Variants in ENDOD1 observed in about 807,000 individuals in gnomAD.
ENDOD1 encodes endonuclease domain-containing 1 protein.
A neutral mutation model predicts 6.5 loss-of-function variants in ENDOD1; 9 were observed. The ratio of observed to expected loss-of-function variants is 1.39; its 90% CI spans 0.84 to 2.43. The LOEUF (loss-of-function observed/expected upper bound fraction) is 2.43. Among genes scored for constraint, ENDOD1 ranks in the 30% most tolerant of loss-of-function variants. The probability of loss-of-function intolerance (pLI) is 0.00; values close to 1 mark genes in which losing one functional copy is unlikely to be tolerated. For synonymous variants in ENDOD1, 255 were observed against 255.2 expected (o/e 1.00, Z 0.01); for missense variants, 648 against 635.5 (o/e 1.02, Z -0.21).
chr11:95,124,483 A>G (rs1377915413), intron 1 of ENDOD1, among the ~76,000 whole-genome samples: 2 of 152,240 alleles, frequency 1.3e-5, no homozygotes, highest in Non-Finnish European at 2.9e-5. Flanking sequence ...GTTCATAAGA[A>G]TATAGTAAAC....
chr11:95,132,102 T>C lies in ENDOD1; in HGVS notation c.*2523T>C, dbSNP rs541134480. 2.0e-5 allele frequency: 3 copies of C among 152,768 alleles called. No individual in the cohort carries two copies. The South Asian group carries it at 6.2e-4, about 32-fold the overall frequency. The allele number at this position is 152,768 out of a possible 1,614,324, so 9.5% of individuals were successfully genotyped here. A position where few individuals can be genotyped will look rare whatever the true frequency, so the allele number is the denominator to read the frequency against. On this transcript the variant is annotated 3_prime_UTR_variant, in exon 2 of 2. Coordinates refer to ENST00000278505, the MANE Select transcript of ENDOD1 (RefSeq NM_015036.3). The stretch of plus-strand genomic sequence containing the variant: ...GAGGTTGGGGTTTATGAACCCCAAC[T>C]CTGGCTTAAAGATCTTGCTGTGGCT...
chr11:95,126,640 TTTC>T (rs1859314638), intron 1 of ENDOD1, among the ~76,000 whole-genome samples: 1 of 152,216 alleles, frequency 6.6e-6, no homozygotes, highest in Non-Finnish European at 1.5e-5. Flanking sequence ...TAGCATATAT[TTTC>T]TTATCATTAC....
At chr11:95,108,047 G>C in intron 1 of ENDOD1, among the ~76,000 whole-genome samples, 1 of 152,188 alleles carries the variant, frequency 6.6e-6, no homozygotes, top group East Asian at 1.9e-4. Context: ...AGGTGTCCCC[G>C]GGAGAGTCTG....
chr11:95,099,664 C>A (rs1859019588), intron 1 of ENDOD1, among the ~76,000 whole-genome samples: 1 of 152,220 alleles, frequency 6.6e-6, no homozygotes, highest in Admixed American at 6.5e-5. Context: ...AGAACGTATA[C>A]CTCCTTGAAC....
Position 95,129,849 on chromosome 11 carries a change from A to C in ENDOD1, c.*270A>C. 5 of 345,558 alleles carry C rather than the reference A, an allele frequency of 1.4e-5. No individual in the cohort carries two copies. Among genetic ancestry groups the C allele is most frequent in the Non-Finnish European group, 2.6e-5 (5 of 189,254 alleles). 21.4% of individuals were successfully genotyped at this position (345,558 alleles called of 1,614,324 possible). A position where few individuals can be genotyped will look rare whatever the true frequency, so the allele number is the denominator to read the frequency against. On this transcript the variant is annotated 3_prime_UTR_variant, in exon 2 of 2. Transcript: ENST00000278505. ...TAACTTCAGTTATGCACTCTAACAC[A>C]GACGACCACCTGAAATGCACTGGTA...
At chr11:95,091,457 GAA>G (rs2134159275) in intron 1 of ENDOD1, among the ~76,000 whole-genome samples, 1 of 152,314 alleles carries the variant, frequency 6.6e-6, no homozygotes, top group South Asian at 2.1e-4. Flanking sequence ...TCAGGCATGT[GAA>G]AAAGACGTTG....
chr11:95,122,589 T>TATAC (rs1859272130), intron 1 of ENDOD1, among the ~76,000 whole-genome samples: 1 of 142,730 alleles, frequency 7.0e-6, no homozygotes, highest in Non-Finnish European at 1.5e-5. Context: ...GCATTTAAGT[T>TATAC]ACACACACAC....
chr11:95,106,876 G>A (rs1467059741), intron 1 of ENDOD1, among the ~76,000 whole-genome samples: 2 of 152,032 alleles, frequency 1.3e-5, no homozygotes, highest in South Asian at 2.1e-4. Context: ...TGCATATGGA[G>A]GTCCCACCCC....
intron 1 of ENDOD1, among the ~76,000 whole-genome samples, chr11:95,103,233 C>T (rs1328622711): frequency 1.3e-5 from 2 of 151,862 alleles, no homozygotes; most frequent in Non-Finnish European, 2.9e-5. Flanking sequence ...CCCTTCTCTA[C>T]CAGTGAATTG....
At chr11:95,102,272 G>GA (rs1193005047) in intron 1 of ENDOD1, among the ~76,000 whole-genome samples, 13 of 149,000 alleles carry the variant, frequency 8.7e-5, no homozygotes, top group African/African-American at 3.2e-4. Context: ...AAACCCAGGA[G>GA]AAAAAAAGGG....
In ENDOD1 at chr11:95,130,661, TG is replaced by T. The variant is rs1859362506; in HGVS notation, c.*1083del. 1 of 152,198 alleles carries T rather than the reference TG, an allele frequency of 6.6e-6. No homozygotes were observed. Among genetic ancestry groups the T allele is most frequent in the Admixed American group, 6.5e-5 (1 of 15,284 alleles). The allele number at this position is 152,198 out of a possible 1,614,324, so 9.4% of individuals were successfully genotyped here. A position where few individuals can be genotyped will look rare whatever the true frequency, so the allele number is the denominator to read the frequency against. ...GCCACAAAATAAAGATAAAAGTTAT[TG>T]TGGCCATCTCTGAAAAAAATATATA... On this transcript the variant is annotated 3_prime_UTR_variant, in exon 2 of 2. Coordinates refer to ENST00000278505, the MANE Select transcript of ENDOD1 (RefSeq NM_015036.3).
At position 95,109,492 on chromosome 11, in the gene ENDOD1, A is replaced by G. The variant is rs782666970; in HGVS notation, c.301-18885A>G. 4.6e-5 allele frequency among the ~76,000 whole-genome samples: 7 copies of G among 152,266 alleles called. No individual in the cohort carries two copies. The East Asian group carries it at 7.7e-4, about 17-fold the overall frequency. ...CAGTCACTCCCTGGTGTGCAGGACC[A>G]TCATGCTAGGTCTGGGAACACAGAG... On this transcript the variant is annotated intron_variant, in intron 1 of 1. Transcript: ENST00000278505.
In ENDOD1 at chr11:95,108,479, C is replaced by T. The variant is rs988974480; in HGVS notation, c.300+18252C>T. Among the ~76,000 whole-genome samples the T allele has an allele frequency of 2.4e-4, 31 of 129,622 alleles. 1 individual carries two copies. Among genetic ancestry groups the T allele is most frequent in the African/African-American group, 1.0e-3 (29 of 28,140 alleles). The allele number at this position is 129,622 out of a possible 152,430, so 85.0% of individuals were successfully genotyped here. A position where few individuals can be genotyped will look rare whatever the true frequency, so the allele number is the denominator to read the frequency against. On this transcript the variant is annotated intron_variant, in intron 1 of 1. Coordinates refer to ENST00000278505, the MANE Select transcript of ENDOD1 (RefSeq NM_015036.3). ...GCCTTTCAGGAAATGAAAAGCTCTG[C>T]ATTTCTCTTTTCTAAACACACACAC... is the stretch of plus-strand genomic sequence containing the variant.
At chr11:95,100,865 G>GTT (rs34680715) in intron 1 of ENDOD1, among the ~76,000 whole-genome samples, 29,771 of 72,446 alleles carry the variant, frequency 0.41, 7,497 homozygotes, top group Non-Finnish European at 0.49. Context: ...CCTGCTGGGT[G>GTT]TTTTTTTTTT....
intron 1 of ENDOD1, among the ~76,000 whole-genome samples, chr11:95,107,837 A>AT: frequency 6.6e-6 from 1 of 151,838 alleles, no homozygotes; most frequent in Non-Finnish European, 1.5e-5. Context: ...ATTTTTTTGT[A>AT]TTTTTCATAG....
intron 1 of ENDOD1, among the ~76,000 whole-genome samples, chr11:95,102,368 T>TTAA (rs372856443): frequency 2.3e-5 from 3 of 129,008 alleles, no homozygotes; most frequent in Non-Finnish European, 3.3e-5. Context: ...CTTTCCTGCT[T>TTAA]AAAAAAAAAA....
intron 1 of ENDOD1, among the ~76,000 whole-genome samples, chr11:95,092,940 G>A (rs1858945311): frequency 6.6e-6 from 1 of 152,158 alleles, no homozygotes; most frequent in Admixed American, 6.5e-5. Context: ...CCGCACACAG[G>A]GGAGGAAGAG....
intron 1 of ENDOD1, among the ~76,000 whole-genome samples, chr11:95,095,592 A>G (rs150024170): frequency 3.7e-4 from 56 of 152,340 alleles, no homozygotes; most frequent in Non-Finnish European, 7.3e-4. Flanking sequence ...ACAATTCCCT[A>G]TACTATTCTT....
intron 1 of ENDOD1, among the ~76,000 whole-genome samples, chr11:95,123,945 T>C (rs1859287145): frequency 6.6e-6 from 1 of 152,152 alleles, no homozygotes; most frequent in Admixed American, 6.5e-5. Context: ...GGTTTTTTTT[T>C]GTTTTCTGAC....
Sources: gnomAD v4.1 joint callset for allele counts (sites outside exome capture counted in the v4.1 genomes callset) on GRCh38, gnomAD v4.1.1 for gene constraint, MANE v1.5 for transcripts, NCBI Gene and HGNC (gene_info 2026-07-23, HGNC 2026-07-21) for gene names.